AAGAB: variants seen among roughly 807,000 people sequenced by gnomAD.
AAGAB encodes alpha and gamma adaptin binding protein.
A neutral mutation model predicts 44.1 loss-of-function variants in AAGAB; 38 were observed. That is an observed-to-expected ratio of 0.86 (90% CI 0.67 to 1.13). The LOEUF is 1.13. Among genes scored for constraint, AAGAB ranks in the 50% most tolerant of loss-of-function variants. AAGAB has a pLI of 0.00. For synonymous variants in AAGAB, 131 were observed against 131.8 expected (o/e 0.99, Z 0.04); for missense variants, 450 against 373.8 (o/e 1.20, Z -1.68).
chr15:67,216,520 T>A (rs1272280462), intron 5 of AAGAB, among the ~76,000 whole-genome samples: 1 of 149,866 alleles, frequency 6.7e-6, no homozygotes, highest in African/African-American at 2.4e-5. Flanking sequence ...TGGTATTTTG[T>A]CTTCCTAGTT....
At chr15:67,255,060 C>T (rs1965085343), upstream of AAGAB, 1 of 1,052,540 alleles carries the variant, frequency 9.5e-7, no homozygotes, top group Non-Finnish European at 1.4e-6. Flanking sequence ...CCCTAGACTC[C>T]CTCCAACTCG....
At chr15:67,245,098 G>A (rs1396508827) in intron 1 of AAGAB, among the ~76,000 whole-genome samples, 1 of 152,114 alleles carries the variant, frequency 6.6e-6, no homozygotes, top group Non-Finnish European at 1.5e-5. Context: ...AAACAGTTTG[G>A]CAGTTTCTTA....
intron 1 of AAGAB, among the ~76,000 whole-genome samples, chr15:67,250,797 C>A (rs1196308294): frequency 6.6e-6 from 1 of 152,016 alleles, no homozygotes; most frequent in Non-Finnish European, 1.5e-5. Context: ...GAGGCTGAGG[C>A]GGGCAGATCA....
At chr15:67,219,770 C>T (rs1171443476) in intron 5 of AAGAB, among the ~76,000 whole-genome samples, 2 of 152,118 alleles carry the variant, frequency 1.3e-5, no homozygotes, top group East Asian at 3.8e-4. Flanking sequence ...TTTTTAAATG[C>T]ACACTTTGGC....
At chr15:67,216,563 C>T (rs577820427) in intron 5 of AAGAB, among the ~76,000 whole-genome samples, 62 of 145,136 alleles carry the variant, frequency 4.3e-4, no homozygotes, top group African/African-American at 1.5e-3. Flanking sequence ...CACACATACA[C>T]ACAAATTCTT....
At chr15:67,254,493 T>C (rs1172940618) in intron 1 of AAGAB, 66 bp downstream of exon 1, 6 of 1,529,044 alleles carry the variant, frequency 3.9e-6, no homozygotes, top group Non-Finnish European at 5.3e-6. Context: ...GAGGCCGTGG[T>C]GCTGGGTCCG....
At chr15:67,254,309 G>T in intron 1 of AAGAB, 1 of 1,068,694 alleles carries the variant, frequency 9.4e-7, no homozygotes, top group Non-Finnish European at 1.3e-6. Context: ...GGCCTGGGCT[G>T]AGCAGAGCGG....
At chr15:67,237,298 C>T (rs1192212579) in intron 1 of AAGAB, among the ~76,000 whole-genome samples, 2 of 152,148 alleles carry the variant, frequency 1.3e-5, no homozygotes, top group African/African-American at 4.8e-5. Context: ...ATTTCTTGGA[C>T]TGAATGCTTA....
intron 5 of AAGAB, among the ~76,000 whole-genome samples, chr15:67,218,419 A>G (rs532814024): frequency 1.1e-4 from 16 of 150,834 alleles, no homozygotes; most frequent in African/African-American, 3.9e-4. Context: ...TTCTCATGTG[A>G]AACAGTGACA....
chr15:67,237,873 A>C (rs1052535366), intron 1 of AAGAB, among the ~76,000 whole-genome samples: 1 of 152,220 alleles, frequency 6.6e-6, no homozygotes, highest in Non-Finnish European at 1.5e-5. Context: ...AAGACACTGA[A>C]AACTAGAAAT....
intron 5 of AAGAB, among the ~76,000 whole-genome samples, chr15:67,216,917 T>C (rs1001099428): frequency 1.3e-5 from 2 of 152,176 alleles, no homozygotes; most frequent in Non-Finnish European, 2.9e-5. Context: ...CCATGATTCA[T>C]TTGCTTACAG....
At chr15:67,240,570 A>T (rs1442322097) in intron 1 of AAGAB, among the ~76,000 whole-genome samples, 1 of 152,222 alleles carries the variant, frequency 6.6e-6, no homozygotes, top group African/African-American at 2.4e-5. Flanking sequence ...AGGAAGTTAG[A>T]TGCCAACCCA....
At chr15:67,213,561 T>C (rs1187811093) in intron 5 of AAGAB, among the ~76,000 whole-genome samples, 2 of 152,128 alleles carry the variant, frequency 1.3e-5, no homozygotes, top group African/African-American at 4.8e-5. Flanking sequence ...TTAAAAAGTA[T>C]TTTTTTCCTT....
intron 1 of AAGAB, among the ~76,000 whole-genome samples, chr15:67,241,071 A>ACACAT (rs57495867): frequency 6.7e-6 from 1 of 148,776 alleles, no homozygotes; most frequent in African/African-American, 2.5e-5. Flanking sequence ...ACACACACAC[A>ACACAT]TTTTATCTAT....
At chr15:67,210,349 T>A (rs1963787503) in intron 5 of AAGAB, among the ~76,000 whole-genome samples, 1 of 152,052 alleles carries the variant, frequency 6.6e-6, no homozygotes, top group African/African-American at 2.4e-5. Context: ...GCCTTGTCTC[T>A]ACTAAAATTA....
intron 1 of AAGAB, 104 bp from the exon 2 acceptor site, chr15:67,236,924 T>C: frequency 1.1e-6 from 1 of 887,726 alleles, no homozygotes; most frequent in Non-Finnish European, 1.7e-6. Flanking sequence ...TGCTGTTTCC[T>C]TTTATGTGAG....
rs372658712 is a variant in AAGAB at position 67,211,509 on chromosome 15, T to C, written c.536-1965A>G. ...TTCAAACATCAGCATGGTTCTTTCT[T>C]TTGGCCAATGTGTTATTGATTTTAA... On this transcript the variant is annotated intron_variant, in intron 5 of 9. Transcript: ENST00000261880. Among the ~76,000 whole-genome samples, 8 of 152,342 alleles carry C rather than the reference T, an allele frequency of 5.3e-5. No homozygotes were observed. The East Asian group carries it at 1.5e-3, about 29-fold the overall frequency.
chr15:67,213,391 AAATT>A (rs1009568717), intron 5 of AAGAB, among the ~76,000 whole-genome samples: 3 of 152,134 alleles, frequency 2.0e-5, no homozygotes, highest in Non-Finnish European at 4.4e-5. Flanking sequence ...GAAATATATG[AAATT>A]ATTTGCCACC....
chr15:67,240,065 A>G (rs1368791840), intron 1 of AAGAB, among the ~76,000 whole-genome samples: 2 of 152,314 alleles, frequency 1.3e-5, no homozygotes, highest in African/African-American at 2.4e-5. Context: ...ATCACACTTG[A>G]GTCTCTAATA....
Sources: allele counts gnomAD v4.1 joint callset (sites outside exome capture counted in the v4.1 genomes callset), GRCh38; gene constraint gnomAD v4.1.1; transcripts MANE v1.5; gene names NCBI Gene and HGNC (gene_info 2026-07-23, HGNC 2026-07-21).